Variants in RBL1 observed in about 807,000 individuals in gnomAD.
The protein encoded by RBL1 is retinoblastoma-like protein 1.
In RBL1, 82 loss-of-function variants were observed where a neutral mutation model predicts 123.0. That is an observed-to-expected ratio of 0.67 (90% CI 0.56 to 0.80). The LOEUF (loss-of-function observed/expected upper bound fraction) is 0.80, where lower values mean the gene tolerates loss of function less well. RBL1 is among the 30% of genes least tolerant of loss of function. The pLI, the probability that RBL1 is intolerant of heterozygous loss-of-function variation, is 0.00. For missense variants in RBL1, 1,171 were observed against 1,299.6 expected (o/e 0.90, Z 1.52); for synonymous variants, 405 against 441.3 (o/e 0.92, Z 1.03).
rs202016220 is a variant in RBL1 at position 37,045,084 on chromosome 20, A to AC, written c.1606-835_1606-834insG. 6.6e-3 allele frequency among the ~76,000 whole-genome samples: 722 copies of AC among 109,520 alleles called. 2 individuals carry two copies. Among genetic ancestry groups the AC allele is most frequent in the Middle Eastern group, 0.023 (5 of 220 alleles). The allele number at this position is 109,520 out of a possible 152,430, so 71.8% of individuals were successfully genotyped here. A position where few individuals can be genotyped will look rare whatever the true frequency, so the allele number is the denominator to read the frequency against. ...CTTTAATATTCACATTTATTTACTT[A>AC]TTTATTTATTTATTTATTTATTTAT... On this transcript the variant is annotated intron_variant, in intron 12 of 21. Coordinates refer to ENST00000373664, the MANE Select transcript of RBL1 (RefSeq NM_002895.5).
intron 2 of RBL1, among the ~76,000 whole-genome samples, chr20:37,074,354 C>T (rs2065328945): frequency 6.8e-6 from 1 of 146,548 alleles, no homozygotes; most frequent in African/African-American, 2.6e-5. Flanking sequence ...GTTGAGAGTG[C>T]AGTGAGCCAT....
chr20:36,999,726 G>A (rs28623597), intron 21 of RBL1, among the ~76,000 whole-genome samples: 3 of 152,220 alleles, frequency 2.0e-5, no homozygotes, highest in African/African-American at 7.2e-5. Flanking sequence ...GCTCCTAACC[G>A]CGAGTGATCC....
rs745821321 is a variant in RBL1 at position 37,095,966 on chromosome 20, A to C, written c.-38T>G. On this transcript the variant is annotated 5_prime_UTR_variant, in exon 1 of 22. Transcript: ENST00000373664. ...CGCGGGCTGCGCGCCACGGCCCCCG[A>C]CTTCTTTCTCCCTCCCAGGCGCGCT... 5 of 1,449,552 alleles carry C rather than the reference A, an allele frequency of 3.4e-6. No homozygotes were observed. Among genetic ancestry groups the C allele is most frequent in the African/African-American group, 1.4e-5 (1 of 70,710 alleles). The allele number at this position is 1,449,552 out of a possible 1,614,324, so 89.8% of individuals were successfully genotyped here.
Position 37,061,272 on chromosome 20 carries a change from G to C in RBL1, c.1084-3C>G, listed in dbSNP as rs1382754637. On this transcript the variant is annotated splice_polypyrimidine_tract_variant and splice_region_variant and intron_variant, in intron 8 of 21. Coordinates refer to ENST00000373664, the MANE Select transcript of RBL1 (RefSeq NM_002895.5). ...GTAGAAGGTGCAAATGACCTTTTCT[G>C]TCAGAAAAGAAAAATCCGTGAGTTT... 5.6e-6 allele frequency: 9 copies of C among 1,605,316 alleles called. No individual in the cohort carries two copies. The highest frequency in any genetic ancestry group is 1.3e-5 in the African/African-American group (1 of 74,616).
intron 19 of RBL1, among the ~76,000 whole-genome samples, chr20:37,009,029 CTT>C (rs541774638): frequency 6.6e-4 from 96 of 146,238 alleles, no homozygotes; most frequent in Non-Finnish European, 1.1e-3. Context: ...CCCCAAAACA[CTT>C]TTTTTTTTTT....
intron 16 of RBL1, among the ~76,000 whole-genome samples, chr20:37,025,323 C>T (rs1373919481): frequency 6.6e-6 from 1 of 152,030 alleles, no homozygotes; most frequent in Non-Finnish European, 1.5e-5. Flanking sequence ...AGTTTGAAAC[C>T]ATCCTAAGCA....
chr20:37,074,876 T>G (rs1475307203), intron 2 of RBL1, among the ~76,000 whole-genome samples: 1 of 152,154 alleles, frequency 6.6e-6, no homozygotes, highest in East Asian at 1.9e-4. Context: ...TCCACTCCTC[T>G]CCATATATAT....
intron 16 of RBL1, among the ~76,000 whole-genome samples, chr20:37,026,641 T>A (rs533891366): frequency 4.4e-4 from 66 of 149,996 alleles, no homozygotes; most frequent in Non-Finnish European, 8.1e-4. Context: ...GCGGCAGAGG[T>A]TGCAGTGAGC....
At position 37,024,867 on chromosome 20, in the gene RBL1, G is replaced by A. The variant is rs189187192; in HGVS notation, c.2383-2041C>T. Among the ~76,000 whole-genome samples the A allele has an allele frequency of 2.4e-4, 36 of 152,282 alleles. No homozygotes were observed. In the East Asian group the frequency reaches 6.4e-3, roughly 27 times the overall value. ...GTTAAAACAGTCCTTAGGCATAGGA[G>A]GGGGTGAAGGGACAGAGGAGAGAAG... On this transcript the variant is annotated intron_variant, in intron 16 of 21. Transcript: ENST00000373664.
intron 21 of RBL1, among the ~76,000 whole-genome samples, chr20:37,000,117 T>G (rs930796540): frequency 6.9e-6 from 1 of 144,988 alleles, no homozygotes; most frequent in Non-Finnish European, 1.5e-5. Context: ...CCGTCTGGGA[T>G]GTGAGGAGCG....
At chr20:37,019,584 G>C (rs1202663266) in intron 18 of RBL1, among the ~76,000 whole-genome samples, 3 of 152,132 alleles carry the variant, frequency 2.0e-5, no homozygotes, top group Non-Finnish European at 2.9e-5. Flanking sequence ...TATATTGCTT[G>C]CTATAATGTA....
chr20:37,046,936 A>G, intron 12 of RBL1, 117 bp downstream of exon 12: 1 of 1,375,896 alleles, frequency 7.3e-7, no homozygotes, highest in South Asian at 1.7e-5. Flanking sequence ...TTCAGAACAC[A>G]TCTGGAAACA....
intron 20 of RBL1, among the ~76,000 whole-genome samples, chr20:37,005,818 T>C (rs79766461): frequency 0.016 from 2,454 of 149,862 alleles, 66 homozygotes; most frequent in African/African-American, 0.057. Context: ...CAGAGGCACA[T>C]AGATACATAG....
Position 37,095,979 on chromosome 20 carries a change from T to A in RBL1, c.-51A>T. The A allele has an allele frequency of 7.1e-7, 1 of 1,401,114 alleles. No homozygotes were observed. The allele number at this position is 1,401,114 out of a possible 1,614,324, so 86.8% of individuals were successfully genotyped here. ...CCACGGCCCCCGACTTCTTTCTCCC[T>A]CCCAGGCGCGCTACCCACAACCACC... is the stretch of plus-strand genomic sequence containing the variant. On this transcript the variant is annotated 5_prime_UTR_variant, in exon 1 of 22. Coordinates refer to ENST00000373664, the MANE Select transcript of RBL1 (RefSeq NM_002895.5).
chr20:37,093,341 C>T (rs377381832), intron 1 of RBL1, among the ~76,000 whole-genome samples: 1 of 151,838 alleles, frequency 6.6e-6, no homozygotes, highest in Non-Finnish European at 1.5e-5. Flanking sequence ...TACATTTGTG[C>T]TTTCTAAAGC....
At chr20:37,081,547 A>G (rs1174127065) in intron 2 of RBL1, among the ~76,000 whole-genome samples, 2 of 152,208 alleles carry the variant, frequency 1.3e-5, no homozygotes, top group Admixed American at 1.3e-4. Context: ...AGCCCCAGCT[A>G]CTTAGGTCAC....
At chr20:37,027,202 G>A (rs1424302438) in intron 16 of RBL1, among the ~76,000 whole-genome samples, 1 of 151,182 alleles carries the variant, frequency 6.6e-6, no homozygotes, top group Admixed American at 6.6e-5. Context: ...AAAAAATTTA[G>A]CTGGGTGGGG....
chr20:37,054,600 T>C, intron 11 of RBL1, among the ~76,000 whole-genome samples: 1 of 151,846 alleles, frequency 6.6e-6, no homozygotes, highest in Admixed American at 6.6e-5. Flanking sequence ...GAGGCTGAGG[T>C]GGGCAGATCA....
chr20:37,029,858 T>C (rs1235788892), intron 16 of RBL1, among the ~76,000 whole-genome samples: 1 of 152,154 alleles, frequency 6.6e-6, no homozygotes, highest in Non-Finnish European at 1.5e-5. Flanking sequence ...TCAAAAAGAA[T>C]ACTTAGGAAT....
Sources: allele counts gnomAD v4.1 joint callset (sites outside exome capture counted in the v4.1 genomes callset), GRCh38; gene constraint gnomAD v4.1.1; transcripts MANE v1.5; gene names NCBI Gene and HGNC (gene_info 2026-07-23, HGNC 2026-07-21).